Variants in ADCY2 observed in about 807,000 individuals in gnomAD.
The protein encoded by ADCY2 is adenylate cyclase type 2.
In ADCY2, 31 loss-of-function variants were observed where a neutral mutation model predicts 125.2. That is an observed-to-expected ratio of 0.25 (90% CI 0.19 to 0.33). The LOEUF (loss-of-function observed/expected upper bound fraction) is 0.33. Among genes scored for constraint, ADCY2 ranks in the 10% least tolerant of loss-of-function variants. The pLI is 1.00. For synonymous variants in ADCY2, 512 were observed against 548.4 expected, an observed-to-expected ratio of 0.93 and a Z score of 0.93; for missense variants, 904 against 1,418.2, an observed-to-expected ratio of 0.64 and a Z score of 5.82.
chr5:7,638,979 T>C (rs1260071039), intron 4 of ADCY2, among the ~76,000 whole-genome samples: 6 of 152,124 alleles, frequency 3.9e-5, no homozygotes, highest in Admixed American at 1.3e-4. Context: ...AACAGGAGTT[T>C]CCCTCCACTT....
chr5:7,698,145 C>T, intron 6 of ADCY2, 102 bp from the exon 7 acceptor site: 2 of 1,450,912 alleles, frequency 1.4e-6, no homozygotes, highest in Non-Finnish European at 1.9e-6. Flanking sequence ...CCAGATGCCC[C>T]TGGAATGGTG....
At chr5:7,595,113 A>G (rs1404795989) in intron 3 of ADCY2, among the ~76,000 whole-genome samples, 2 of 152,228 alleles carry the variant, frequency 1.3e-5, no homozygotes, top group Non-Finnish European at 2.9e-5. Flanking sequence ...TTAGCTAATT[A>G]TAATTATTCC....
At chr5:7,710,884 A>G (rs999926362) in intron 10 of ADCY2, among the ~76,000 whole-genome samples, 2 of 152,218 alleles carry the variant, frequency 1.3e-5, no homozygotes, top group Admixed American at 6.5e-5. Context: ...AGTAGAGCCA[A>G]TAAGACTTGG....
intron 5 of ADCY2, among the ~76,000 whole-genome samples, chr5:7,693,417 T>G (rs1016778120): frequency 2.3e-5 from 3 of 133,178 alleles, no homozygotes; most frequent in African/African-American, 8.1e-5. Context: ...TTTTTTGTTT[T>G]TTTTTTTTTT....
At chr5:7,668,498 C>G (rs1422241188) in intron 4 of ADCY2, among the ~76,000 whole-genome samples, 1 of 152,160 alleles carries the variant, frequency 6.6e-6, no homozygotes, top group East Asian at 1.9e-4. Flanking sequence ...GGAGAACTAA[C>G]TAATACACAT....
intron 23 of ADCY2, 150 bp from the exon 24 acceptor site, chr5:7,820,415 G>A: frequency 1.1e-6 from 1 of 916,358 alleles, no homozygotes; most frequent in Non-Finnish European, 1.6e-6. Context: ...GATCGCTTGA[G>A]CCTGGGAGGT....
At chr5:7,823,672 G>A (rs551470786) in intron 24 of ADCY2, among the ~76,000 whole-genome samples, 14 of 152,098 alleles carry the variant, frequency 9.2e-5, no homozygotes, top group South Asian at 2.1e-4. Context: ...CACAACACCC[G>A]GAATATTCCG....
intron 3 of ADCY2, among the ~76,000 whole-genome samples, chr5:7,521,247 C>T (rs191905398): frequency 1.6e-4 from 25 of 152,208 alleles, no homozygotes; most frequent in South Asian, 6.2e-4. Flanking sequence ...GTAACTTATA[C>T]GATTAATTTC....
chr5:7,660,253 AAGGAAGGAAGG>A (rs1442477695), intron 4 of ADCY2, among the ~76,000 whole-genome samples: 1 of 138,268 alleles, frequency 7.2e-6, no homozygotes, highest in Non-Finnish European at 1.6e-5. Flanking sequence ...GGAAGGAAGG[AAGGAAGGAAGG>A]AAGGAAGGAA....
intron 22 of ADCY2, among the ~76,000 whole-genome samples, chr5:7,809,501 C>G (rs1359688997): frequency 6.6e-6 from 1 of 152,182 alleles, no homozygotes; most frequent in Non-Finnish European, 1.5e-5. Flanking sequence ...TAGTTATGAA[C>G]AAAATACTTT....
Position 7,513,106 on chromosome 5 carries a change from C to CACACACACACACACACAG in ADCY2, c.409-7631_409-7630insCACACACACACACACAGA, listed in dbSNP as rs777343291. Among the ~76,000 whole-genome samples, 519 of 138,496 alleles carry CACACACACACACACACAG rather than the reference C, an allele frequency of 3.7e-3. 5 individuals carry two copies. Among genetic ancestry groups the CACACACACACACACACAG allele is most frequent in the Non-Finnish European group, 6.3e-3 (399 of 63,412 alleles). The allele number at this position is 138,496 out of a possible 152,430, so 90.9% of individuals were successfully genotyped here. ...ACACACACACACACACACACACACA[C>CACACACACACACACACAG]AGAGAGAGAGAGAGAGAGAGAGAGC... On this transcript the variant is annotated intron_variant, in intron 2 of 24. Coordinates refer to ENST00000338316, the MANE Select transcript of ADCY2 (RefSeq NM_020546.3).
chr5:7,669,865 C>T (rs939847498), intron 4 of ADCY2, among the ~76,000 whole-genome samples: 5 of 152,136 alleles, frequency 3.3e-5, no homozygotes, highest in East Asian at 1.9e-4. Context: ...ATAGATGACA[C>T]GGGCAGGGTT....
intron 2 of ADCY2, among the ~76,000 whole-genome samples, chr5:7,446,493 C>G (rs1434169152): frequency 6.6e-6 from 1 of 152,084 alleles, no homozygotes; most frequent in African/African-American, 2.4e-5. Flanking sequence ...GCCAAGAATT[C>G]AAGACCAGCC....
chr5:7,465,947 T>C lies in ADCY2; in HGVS notation c.408+51177T>C, dbSNP rs544218168. ...ATCCTAGACATCTAGACATTCTTCA[T>C]TGATATGTCATTGGAGAAAATCTTG... On this transcript the variant is annotated intron_variant, in intron 2 of 24. Coordinates refer to ENST00000338316, the MANE Select transcript of ADCY2 (RefSeq NM_020546.3). Among the ~76,000 whole-genome samples, 8 of 152,328 alleles carry C rather than the reference T, an allele frequency of 5.3e-5. No individual in the cohort carries two copies. The East Asian group carries it at 5.8e-4, about 11-fold the overall frequency.
intron 22 of ADCY2, among the ~76,000 whole-genome samples, chr5:7,808,050 C>G (rs1483201358): frequency 6.6e-6 from 1 of 152,196 alleles, no homozygotes; most frequent in Non-Finnish European, 1.5e-5. Context: ...CTGATGCTCA[C>G]AGAAGATGCC....
At chr5:7,719,075 T>A (rs1292905319) in intron 12 of ADCY2, among the ~76,000 whole-genome samples, 4 of 152,246 alleles carry the variant, frequency 2.6e-5, no homozygotes, top group South Asian at 2.1e-4. Context: ...CCTATCTTTT[T>A]AAATTATTTT....
chr5:7,736,300 A>G (rs1006366158), intron 14 of ADCY2, among the ~76,000 whole-genome samples: 3 of 152,338 alleles, frequency 2.0e-5, no homozygotes, highest in Admixed American at 1.3e-4. Context: ...CTTTGTAAGT[A>G]GATTTTTTTA....
chr5:7,504,001 A>G (rs992860293), intron 2 of ADCY2, among the ~76,000 whole-genome samples: 1 of 152,180 alleles, frequency 6.6e-6, no homozygotes, highest in African/African-American at 2.4e-5. Flanking sequence ...GAAAGCAATC[A>G]GTGAAAGGCA....
At chr5:7,406,498 G>A (rs1419863314) in intron 1 of ADCY2, among the ~76,000 whole-genome samples, 1 of 152,184 alleles carries the variant, frequency 6.6e-6, no homozygotes, top group Admixed American at 6.5e-5. Context: ...GGGCAGGCAG[G>A]GTGAGGGTCC....
Sources: gnomAD v4.1 joint callset for allele counts (sites outside exome capture counted in the v4.1 genomes callset) on GRCh38, gnomAD v4.1.1 for gene constraint, MANE v1.5 for transcripts, NCBI Gene and HGNC (gene_info 2026-07-23, HGNC 2026-07-21) for gene names.